Variants in MYO1B observed in about 807,000 individuals in gnomAD.
The protein encoded by MYO1B is unconventional myosin-Ib.
MYO1B carries 72 observed loss-of-function variants against 159.7 expected under a neutral mutation model. That is an observed-to-expected ratio of 0.45 (90% CI 0.37 to 0.55). The LOEUF (loss-of-function observed/expected upper bound fraction) is 0.55. Among genes scored for constraint, MYO1B ranks in the 20% least tolerant of loss-of-function variants. MYO1B has a pLI of 0.00. For missense variants in MYO1B, 1,062 were observed against 1,364.8 expected (o/e 0.78, Z 3.50); for synonymous variants, 468 against 473.8 (o/e 0.99, Z 0.16).
chr2:191,295,537 G>C (rs1029639652), intron 2 of MYO1B, among the ~76,000 whole-genome samples: 3 of 152,132 alleles, frequency 2.0e-5, no homozygotes, highest in African/African-American at 7.2e-5. Context: ...TAGATATAAT[G>C]AGATTATGTG....
chr2:191,415,756 G>A (rs556158180), intron 29 of MYO1B, among the ~76,000 whole-genome samples: 59 of 152,296 alleles, frequency 3.9e-4, no homozygotes, highest in South Asian at 1.9e-3. Flanking sequence ...TTGCGGGATA[G>A]GTCCATGCTC....
At position 191,313,192 on chromosome 2, in the gene MYO1B, C is replaced by CTTTTTTTT. The variant is rs762175060; in HGVS notation, c.252-16715_252-16708dup. On this transcript the variant is annotated intron_variant, in intron 3 of 30. Coordinates refer to ENST00000392318, the MANE Select transcript of MYO1B (RefSeq NM_001130158.3). ...TAGTTATAATATCTGGCACACATGG[C>CTTTTTTTT]TTTTTTTTTTTTTTTTTTTTTTTTT... Among the ~76,000 whole-genome samples the CTTTTTTTT allele has an allele frequency of 9.0e-3, 385 of 43,006 alleles. 76 individuals are homozygous for CTTTTTTTT. Among genetic ancestry groups the CTTTTTTTT allele is most frequent in the Middle Eastern group, 0.062 (2 of 32 alleles). The allele number at this position is 43,006 out of a possible 152,430, so 28.2% of individuals were successfully genotyped here.
At chr2:191,418,302 G>A (rs977367906) in intron 30 of MYO1B, among the ~76,000 whole-genome samples, 4 of 151,968 alleles carry the variant, frequency 2.6e-5, no homozygotes, top group Non-Finnish European at 2.9e-5. Context: ...AAGTGGCTTC[G>A]CTAGCTCTAT....
chr2:191,267,955 A>T (rs1401422677), intron 1 of MYO1B, among the ~76,000 whole-genome samples: 1 of 152,160 alleles, frequency 6.6e-6, no homozygotes, highest in East Asian at 1.9e-4. Flanking sequence ...GTGCCTGTCT[A>T]ATATGCATTT....
chr2:191,389,979 T>A (rs956156358), intron 17 of MYO1B, among the ~76,000 whole-genome samples: 2 of 152,224 alleles, frequency 1.3e-5, no homozygotes, highest in African/African-American at 4.8e-5. Context: ...TTGAACTTGA[T>A]ATAAATGGAA....
chr2:191,363,383 A>G (rs1693797605), intron 9 of MYO1B, among the ~76,000 whole-genome samples: 1 of 152,016 alleles, frequency 6.6e-6, no homozygotes, highest in Non-Finnish European at 1.5e-5. Context: ...TTTTCTTTGT[A>G]TGGAGTTGTG....
chr2:191,346,619 G>T (rs1257393408), intron 6 of MYO1B, among the ~76,000 whole-genome samples: 1 of 152,110 alleles, frequency 6.6e-6, no homozygotes, highest in African/African-American at 2.4e-5. Flanking sequence ...AGATAAACTG[G>T]GTCTCAAGTT....
intron 3 of MYO1B, among the ~76,000 whole-genome samples, chr2:191,324,755 A>T (rs539818549): frequency 6.6e-6 from 1 of 152,182 alleles, no homozygotes; most frequent in Non-Finnish European, 1.5e-5. Flanking sequence ...ATAGGACAAG[A>T]CTGCAGTGAA....
At chr2:191,258,250 A>G (rs1390765033) in intron 1 of MYO1B, among the ~76,000 whole-genome samples, 1 of 152,246 alleles carries the variant, frequency 6.6e-6, no homozygotes, top group East Asian at 1.9e-4. Context: ...ACCATACTGA[A>G]TATTGTAGGC....
intron 4 of MYO1B, among the ~76,000 whole-genome samples, chr2:191,335,813 G>C (rs944959415): frequency 1.3e-5 from 2 of 152,210 alleles, no homozygotes; most frequent in African/African-American, 4.8e-5. Context: ...CTCCTTGGCA[G>C]ATGATGATGT....
At chr2:191,291,488 A>T (rs1295902224) in intron 2 of MYO1B, among the ~76,000 whole-genome samples, 2 of 151,714 alleles carry the variant, frequency 1.3e-5, no homozygotes, top group Admixed American at 6.6e-5. Flanking sequence ...CTTCCCTCCC[A>T]CATCTCTTTC....
Position 191,402,681 on chromosome 2 carries a change from C to T in MYO1B, c.2519C>T (p.Ala840Val). 1 of 1,613,604 alleles carries T rather than the reference C, an allele frequency of 6.2e-7. No individual in the cohort carries two copies. Among genetic ancestry groups the T allele is most frequent in the Non-Finnish European group, 8.5e-7 (1 of 1,179,736 alleles). Residue 840 changes from alanine (A) to valine (V), a missense_variant, in exon 24 of 31, where the codon GCA becomes GTA. Physicochemically the swap from Ala to Val is moderately conservative, Grantham distance 64. Around this residue, in one of 5 missense-constraint regions of MYO1B, gnomAD observed 609 missense variants for 744.4 expected, o/e 0.82. Coordinates refer to ENST00000392318, the MANE Select transcript of MYO1B (RefSeq NM_001130158.3). ...AAGGAGGAGGCTAGGCGTAAGCATG[C>T]AGTTGCTGTCATTTGGGCTTACTGG... is the stretch of plus-strand genomic sequence containing the variant. ...RLKEEARRKH[A>V]VAVIWAYWLG...
At chr2:191,419,952 G>A (rs1434426620) in intron 30 of MYO1B, among the ~76,000 whole-genome samples, 1 of 152,182 alleles carries the variant, frequency 6.6e-6, no homozygotes, top group East Asian at 1.9e-4. Flanking sequence ...TGTAATCTTG[G>A]CACTTTGGGA....
In MYO1B at chr2:191,402,715, G is replaced by GA; in HGVS notation, c.2555dup (p.Val853GlyfsTer3). On this transcript the variant is annotated frameshift_variant, in exon 24 of 31. Transcript: ENST00000392318. LOFTEE classifies it high-confidence loss of function. ...TCATTTGGGCTTACTGGCTTGGACTGAAGGTACTTCCTCAACCACTTGTTT... is the reference window on the plus strand; with the variant it reads ...TCATTTGGGCTTACTGGCTTGGACTGAAAGGTACTTCCTCAACCACTTGTTT... 1 of 1,611,482 alleles carries GA rather than the reference G, an allele frequency of 6.2e-7. No individual in the cohort carries two copies. Among genetic ancestry groups the GA allele is most frequent in the Non-Finnish European group, 8.5e-7 (1 of 1,178,918 alleles).
intron 2 of MYO1B, among the ~76,000 whole-genome samples, chr2:191,281,373 T>G (rs1688049735): frequency 6.6e-6 from 1 of 152,014 alleles, no homozygotes; most frequent in South Asian, 2.1e-4. Flanking sequence ...GGTCAGAGAC[T>G]CTATTTGCTT....
At chr2:191,353,964 G>A (rs949758686) in intron 7 of MYO1B, among the ~76,000 whole-genome samples, 6 of 152,168 alleles carry the variant, frequency 3.9e-5, no homozygotes, top group Non-Finnish European at 8.8e-5. Context: ...AACTAAAATA[G>A]TGTCAAACAT....
chr2:191,360,823 T>A (rs1015774876), intron 8 of MYO1B, 94 bp downstream of exon 8: 15 of 849,946 alleles, frequency 1.8e-5, no homozygotes, highest in Non-Finnish European at 2.6e-5. Flanking sequence ...CCCAGGCCGG[T>A]CTCTAATTCC....
chr2:191,347,509 G>T (rs894904095), intron 6 of MYO1B, among the ~76,000 whole-genome samples: 2 of 152,078 alleles, frequency 1.3e-5, no homozygotes, highest in Non-Finnish European at 2.9e-5. Context: ...TTTAATATTT[G>T]CAAATATATT....
chr2:191,371,172 GCTC>G (rs1275914728), intron 13 of MYO1B: 1 of 152,006 alleles, frequency 6.6e-6, no homozygotes, highest in Non-Finnish European at 1.5e-5. Flanking sequence ...AGTAGATCGG[GCTC>G]CTCCTTTCTT....
Sources: allele counts gnomAD v4.1 joint callset (sites outside exome capture counted in the v4.1 genomes callset), GRCh38; gene constraint gnomAD v4.1.1; regional missense constraint gnomAD v4.1.1; transcripts MANE v1.5; gene names NCBI Gene and HGNC (gene_info 2026-07-23, HGNC 2026-07-21).